Variants in GNG7 observed in about 807,000 individuals in gnomAD.
GNG7 encodes G protein subunit gamma 7.
A neutral mutation model predicts 4.0 loss-of-function variants in GNG7; 1 was observed. That is an observed-to-expected ratio of 0.25 (90% CI 0.09 to 1.18). GNG7 has a LOEUF of 1.18. GNG7 is among the 50% of genes most tolerant of loss of function. GNG7 has a pLI of 0.50. For synonymous variants in GNG7, 34 were observed against 36.9 expected, an observed-to-expected ratio of 0.92 and a Z score of 0.29; for missense variants, 86 against 91.9, an observed-to-expected ratio of 0.94 and a Z score of 0.26.
At chr19:2,577,235 C>G (rs1980368958) in intron 2 of GNG7, among the ~76,000 whole-genome samples, 3 of 152,178 alleles carry the variant, frequency 2.0e-5, no homozygotes, top group South Asian at 4.1e-4. Flanking sequence ...CAAGCCAGGG[C>G]CTCTGTTCAG....
chr19:2,554,591 G>A (rs149787737), intron 3 of GNG7, among the ~76,000 whole-genome samples: 5,153 of 145,556 alleles, frequency 0.035, 117 homozygotes, highest in African/African-American at 0.056. Context: ...GTCTCACTCT[G>A]TTGCCCAGGC....
intron 3 of GNG7, among the ~76,000 whole-genome samples, chr19:2,539,347 C>T (rs1206102585): frequency 6.6e-6 from 1 of 151,154 alleles, no homozygotes; most frequent in East Asian, 1.9e-4. Flanking sequence ...CTCTTGTCAC[C>T]CAGGCTGGAG....
intron 3 of GNG7, among the ~76,000 whole-genome samples, chr19:2,529,354 A>G (rs1978513755): frequency 6.6e-6 from 1 of 152,098 alleles, no homozygotes; most frequent in Non-Finnish European, 1.5e-5. Context: ...AGTAGCTGGG[A>G]TTACAAGCAT....
chr19:2,655,326 T>C (rs115099154), intron 1 of GNG7, among the ~76,000 whole-genome samples: 1 of 151,924 alleles, frequency 6.6e-6, no homozygotes, highest in Admixed American at 6.6e-5. Context: ...GAAAAAACGC[T>C]GAAGATCATT....
rs78021273 is a variant in GNG7, at chr19:2,546,243, C to T, written c.-38+8906G>A. On this transcript the variant is annotated intron_variant, in intron 3 of 4. Coordinates refer to ENST00000382159, the MANE Select transcript of GNG7 (RefSeq NM_052847.3). This position sits in a 1 kb window ranked among gnomAD's most constrained non-coding sequence, Gnocchi z 6.3. ...CTGCCCGCTCCACAGAACCCCAGGG[C>T]CCCCTCAGCAACCAGGGTCTGCATG... is the stretch of plus-strand genomic sequence containing the variant. 0.027 allele frequency among the ~76,000 whole-genome samples: 4,132 copies of T among 152,340 alleles called. 193 individuals are homozygous for T. Among genetic ancestry groups the T allele is most frequent in the African/African-American group, 0.094 (3,916 of 41,580 alleles).
At chr19:2,674,319 T>C (rs1983539579) in intron 1 of GNG7, among the ~76,000 whole-genome samples, 1 of 152,172 alleles carries the variant, frequency 6.6e-6, no homozygotes. Context: ...ATACACACAA[T>C]TGTATGTTTG....
rs537285701 is a variant in GNG7, at chr19:2,570,972, AT to A, written c.-77-15785del. Among the ~76,000 whole-genome samples, 538 of 146,178 alleles carry A rather than the reference AT, an allele frequency of 3.7e-3. 1 individual carries two copies. Among genetic ancestry groups the A allele is most frequent in the African/African-American group, 4.5e-3 (179 of 39,922 alleles). On this transcript the variant is annotated intron_variant, in intron 2 of 4. Coordinates refer to ENST00000382159, the MANE Select transcript of GNG7 (RefSeq NM_052847.3). The stretch of plus-strand genomic sequence containing the variant: ...GCCACCACGCCTGGCTAATGTTTGT[AT>A]TTTTTTTTTTTAGAGATGGGGTCTC...
chr19:2,561,985 A>G (rs924880900), intron 2 of GNG7, among the ~76,000 whole-genome samples: 17 of 152,164 alleles, frequency 1.1e-4, no homozygotes, highest in African/African-American at 3.9e-4. Flanking sequence ...GACCCGAGAA[A>G]CAGGAAACCC....
At position 2,546,363 on chromosome 19, in the gene GNG7, G is replaced by A. The variant is rs1979126984; in HGVS notation, c.-38+8786C>T. Among the ~76,000 whole-genome samples, 1 of 152,244 alleles carries A rather than the reference G, an allele frequency of 6.6e-6. No individual in the cohort carries two copies. The highest frequency in any genetic ancestry group is 1.5e-5 in the Non-Finnish European group (1 of 68,038). On this transcript the variant is annotated intron_variant, in intron 3 of 4. Transcript: ENST00000382159. The surrounding 1 kb of genome is among the most constrained non-coding windows in gnomAD (Gnocchi z 6.3). ...AGGGCCTGGGAGGGCGGCTGTGTGTGGGGCCTTCCGTGCCAGCTCTGACCG... is the reference window on the plus strand; with the variant it reads ...AGGGCCTGGGAGGGCGGCTGTGTGTAGGGCCTTCCGTGCCAGCTCTGACCG...
intron 2 of GNG7, among the ~76,000 whole-genome samples, chr19:2,637,729 T>C (rs1462182280): frequency 6.6e-6 from 1 of 152,240 alleles, no homozygotes; most frequent in Non-Finnish European, 1.5e-5. Context: ...GGGGCCGTCC[T>C]GGGCACCATA....
chr19:2,634,678 CT>C lies in GNG7; in HGVS notation c.-78+11545del, dbSNP rs575914735. 1.4e-3 allele frequency among the ~76,000 whole-genome samples: 209 copies of C among 152,260 alleles called. 1 individual carries two copies. Among genetic ancestry groups the C allele is most frequent in the African/African-American group, 4.9e-3 (202 of 41,550 alleles). On this transcript the variant is annotated intron_variant, in intron 2 of 4. Coordinates refer to ENST00000382159, the MANE Select transcript of GNG7 (RefSeq NM_052847.3). The surrounding 1 kb of genome is among the most constrained non-coding windows in gnomAD (Gnocchi z 5.3). ...GCGTTTTCAGGCTCTGGCTGTATAT[CT>C]TGGCAATTCTTTCAGGGGAACAACT...
chr19:2,676,587 T>C (rs1375243834), intron 1 of GNG7, among the ~76,000 whole-genome samples: 1 of 152,150 alleles, frequency 6.6e-6, no homozygotes, highest in Non-Finnish European at 1.5e-5. Flanking sequence ...AATTTTTGTT[T>C]TCGCTTTCTG....
intron 1 of GNG7, among the ~76,000 whole-genome samples, chr19:2,690,051 T>C (rs1214387931): frequency 6.6e-6 from 1 of 152,100 alleles, no homozygotes; most frequent in African/African-American, 2.4e-5. Context: ...TGGCGGCGGG[T>C]AGAAGCAGGG....
intron 3 of GNG7, among the ~76,000 whole-genome samples, chr19:2,536,376 C>T (rs1218797301): frequency 1.3e-5 from 2 of 151,676 alleles, no homozygotes; most frequent in Non-Finnish European, 2.9e-5. Flanking sequence ...CGAGATTGCA[C>T]CATTGCACTC....
intron 2 of GNG7, among the ~76,000 whole-genome samples, chr19:2,576,588 C>T (rs1980349287): frequency 6.6e-6 from 1 of 152,182 alleles, no homozygotes; most frequent in African/African-American, 2.4e-5. Flanking sequence ...TGCTTCACTG[C>T]CCAGGCTGAG....
intron 3 of GNG7, among the ~76,000 whole-genome samples, chr19:2,531,823 G>C (rs1451827325): frequency 1.3e-5 from 2 of 150,256 alleles, no homozygotes; most frequent in East Asian, 3.9e-4. Context: ...TAAGACATAC[G>C]AGGAGCCAGG....
intron 3 of GNG7, among the ~76,000 whole-genome samples, chr19:2,529,755 T>G (rs1402222600): frequency 6.6e-6 from 1 of 152,178 alleles, no homozygotes; most frequent in Non-Finnish European, 1.5e-5. Context: ...CATTCAGGTT[T>G]CAGGGAGAGG....
At chr19:2,527,257 A>C (rs1408736476) in intron 3 of GNG7, among the ~76,000 whole-genome samples, 3 of 152,162 alleles carry the variant, frequency 2.0e-5, no homozygotes, top group African/African-American at 7.2e-5. Context: ...ACCTGTGACT[A>C]TGAGACACTA....
Position 2,682,071 on chromosome 19 carries a change from G to A in GNG7, c.-135+20575C>T, listed in dbSNP as rs140905636. On this transcript the variant is annotated intron_variant, in intron 1 of 4. Transcript: ENST00000382159. ...ATTACAGGCGCGCGCCACCACGCCC[G>A]GCTAATTTTGTATTTTTAGCAGAGA... 3.8e-4 allele frequency among the ~76,000 whole-genome samples: 58 copies of A among 152,136 alleles called. No homozygotes were observed. In the East Asian group the frequency reaches 1.0e-2, roughly 26 times the overall value.
Sources: allele counts gnomAD v4.1 joint callset (sites outside exome capture counted in the v4.1 genomes callset), GRCh38; gene constraint gnomAD v4.1.1; non-coding constraint Gnocchi (gnomAD v3.1); transcripts MANE v1.5; gene names NCBI Gene and HGNC (gene_info 2026-07-23, HGNC 2026-07-21).